CRYZ: variants seen among roughly 807,000 people sequenced by gnomAD.
CRYZ encodes the protein zeta-crystallin.
CRYZ carries 35 observed loss-of-function variants against 34.1 expected under a neutral mutation model. The ratio of observed to expected loss-of-function variants is 1.03; its 90% CI spans 0.78 to 1.36. CRYZ has a LOEUF of 1.36. Ranked by LOEUF, CRYZ falls within the 40% of genes most tolerant of loss-of-function variation. CRYZ has a pLI of 0.00. For synonymous variants in CRYZ, 137 were observed against 136.5 expected (o/e 1.00, Z -0.03); for missense variants, 403 against 391.8 (o/e 1.03, Z -0.24).
chr1:74,707,215 A>G lies in CRYZ; in HGVS notation c.631-11T>C. 7.1e-7 allele frequency: 1 copy of G among 1,412,058 alleles called. No homozygotes were observed. The highest frequency in any genetic ancestry group is 9.8e-7 in the Non-Finnish European group (1 of 1,016,258). The allele number at this position is 1,412,058 out of a possible 1,614,324, so 87.5% of individuals were successfully genotyped here. On this transcript the variant is annotated splice_polypyrimidine_tract_variant and intron_variant, in intron 6 of 8. Coordinates refer to ENST00000340866, the MANE Select transcript of CRYZ (RefSeq NM_001889.4). ...CTCACCAACATACTTCTATATAATAAAAGAGAAATGTAGAGTAAGATAGCA... is the reference window on the plus strand; with the variant it reads ...CTCACCAACATACTTCTATATAATAGAAGAGAAATGTAGAGTAAGATAGCA...
In CRYZ at chr1:74,728,568, G is replaced by T. The variant is rs144690036; in HGVS notation, c.-13-3734C>A. ...GCAGAAACCAGGACCTGATATGAAA[G>T]AATTCAGACTTTTACTGTATCAAAA... On this transcript the variant is annotated intron_variant, in intron 1 of 8. Coordinates refer to ENST00000340866, the MANE Select transcript of CRYZ (RefSeq NM_001889.4). 4.7e-3 allele frequency among the ~76,000 whole-genome samples: 719 copies of T among 152,230 alleles called. 2 individuals carry two copies. The highest frequency in any genetic ancestry group is 0.037 in the Middle Eastern group (11 of 294).
In CRYZ at chr1:74,716,646, C is replaced by T. The variant is rs117497716; in HGVS notation, c.429-2016G>A. Among the ~76,000 whole-genome samples the T allele has an allele frequency of 2.0e-4, 30 of 152,254 alleles. No homozygotes were observed. In the East Asian group the frequency reaches 5.4e-3, roughly 27 times the overall value. On this transcript the variant is annotated intron_variant, in intron 4 of 8. Coordinates refer to ENST00000340866, the MANE Select transcript of CRYZ (RefSeq NM_001889.4). ...CAGATGCCAATAACCAATATTATGA[C>T]AGTAATTTATCCTAATTCTGAAAAC...
At chr1:74,711,358 T>C (rs1026154660) in intron 5 of CRYZ, among the ~76,000 whole-genome samples, 1 of 152,294 alleles carries the variant, frequency 6.6e-6, no homozygotes, top group South Asian at 2.1e-4. Context: ...GAAGATCAGT[T>C]TGTAGCTGTT....
At chr1:74,732,163 A>G (rs1158395132) in intron 1 of CRYZ, among the ~76,000 whole-genome samples, 1 of 139,988 alleles carries the variant, frequency 7.1e-6, no homozygotes, top group Admixed American at 7.1e-5. Context: ...TGTGGGAAGG[A>G]GCCCTACCTA....
chr1:74,706,478 T>C, intron 8 of CRYZ, 21 bp from the exon 9 acceptor site: 1 of 1,587,230 alleles, frequency 6.3e-7, no homozygotes, highest in Non-Finnish European at 8.5e-7. Flanking sequence ...GAAAAACAAA[T>C]TTCTTTTTGT....
intron 8 of CRYZ, 24 bp from the exon 9 acceptor site, chr1:74,706,481 C>A (rs773760589): frequency 6.3e-7 from 1 of 1,584,800 alleles, no homozygotes; most frequent in South Asian, 1.2e-5. Context: ...AAACAAATTT[C>A]TTTTTGTAGT....
chr1:74,715,325 T>G (rs992971922), intron 4 of CRYZ, among the ~76,000 whole-genome samples: 1 of 152,222 alleles, frequency 6.6e-6, no homozygotes, highest in Non-Finnish European at 1.5e-5. Context: ...AGAAGGGACA[T>G]GCAGCAAGGC....
intron 2 of CRYZ, among the ~76,000 whole-genome samples, chr1:74,724,487 T>C (rs1045847755): frequency 6.6e-6 from 1 of 152,200 alleles, no homozygotes; most frequent in African/African-American, 2.4e-5. Flanking sequence ...ATTCCCTACA[T>C]CAAAAATTTT....
intron 5 of CRYZ, among the ~76,000 whole-genome samples, chr1:74,712,248 C>T (rs186350617): frequency 1.6e-4 from 24 of 152,286 alleles, no homozygotes; most frequent in Non-Finnish European, 2.2e-4. Flanking sequence ...AAACTTGGCA[C>T]TATCAACATT....
chr1:74,721,657 G>C (rs1471717667), intron 3 of CRYZ, among the ~76,000 whole-genome samples: 1 of 152,190 alleles, frequency 6.6e-6, no homozygotes, highest in Non-Finnish European at 1.5e-5. Context: ...ATGGAAAGGA[G>C]AGAGAAAACA....
chr1:74,715,918 T>A (rs893678432), intron 4 of CRYZ, among the ~76,000 whole-genome samples: 3 of 151,778 alleles, frequency 2.0e-5, no homozygotes, highest in Admixed American at 6.6e-5. Context: ...GTTTTTTTTT[T>A]TTTTTCGAAT....
At chr1:74,709,508 G>A (rs1345823657) in intron 6 of CRYZ, among the ~76,000 whole-genome samples, 3 of 152,168 alleles carry the variant, frequency 2.0e-5, no homozygotes, top group Non-Finnish European at 2.9e-5. Flanking sequence ...TCTCCCTAAC[G>A]TGAGGAAGTG....
intron 6 of CRYZ, among the ~76,000 whole-genome samples, chr1:74,709,003 T>C (rs1342087717): frequency 6.6e-6 from 1 of 152,114 alleles, no homozygotes; most frequent in East Asian, 1.9e-4. Flanking sequence ...ACCAGCAGAC[T>C]GTTAATTAGG....
At chr1:74,716,056 C>G (rs1174624538) in intron 4 of CRYZ, among the ~76,000 whole-genome samples, 1 of 151,998 alleles carries the variant, frequency 6.6e-6, no homozygotes, top group Non-Finnish European at 1.5e-5. Context: ...AGAGTAAATT[C>G]AGCCAGCAAA....
chr1:74,721,131 C>G (rs1647156577), intron 3 of CRYZ, among the ~76,000 whole-genome samples: 2 of 152,072 alleles, frequency 1.3e-5, no homozygotes, highest in African/African-American at 4.8e-5. Context: ...ATGAAATTAG[C>G]AGCATTTATT....
chr1:74,712,728 T>A lies in CRYZ; in HGVS notation c.480+1851A>T, dbSNP rs1055134704. Among the ~76,000 whole-genome samples, 4 of 152,280 alleles carry A rather than the reference T, an allele frequency of 2.6e-5. No homozygotes were observed. In the East Asian group the frequency reaches 7.7e-4, roughly 29 times the overall value. Reference sequence around the variant, plus strand: ...TTCTATTTTAATTTTCAAATTTAAATAAAAGACCTCTAATAAAACCACACT... The same window carrying A: ...TTCTATTTTAATTTTCAAATTTAAAAAAAAGACCTCTAATAAAACCACACT... On this transcript the variant is annotated intron_variant, in intron 5 of 8. Transcript: ENST00000340866.
intron 8 of CRYZ, 106 bp from the exon 9 acceptor site, chr1:74,706,563 C>T: frequency 9.5e-7 from 1 of 1,054,784 alleles, no homozygotes; most frequent in South Asian, 1.7e-5. Context: ...TGAAGAGTCT[C>T]TTACAAATGT....
At chr1:74,729,756 G>T (rs146839027) in intron 1 of CRYZ, among the ~76,000 whole-genome samples, 1 of 151,940 alleles carries the variant, frequency 6.6e-6, no homozygotes, top group Non-Finnish European at 1.5e-5. Flanking sequence ...ACAGAACTCT[G>T]GTTATCAAAA....
intron 5 of CRYZ, 39 bp downstream of exon 5, chr1:74,714,540 C>T (rs201041656): frequency 3.1e-5 from 50 of 1,591,830 alleles, no homozygotes; most frequent in Middle Eastern, 1.7e-4. Flanking sequence ...AACCCATAAA[C>T]CCAAGCTTGT....
Sources: gnomAD v4.1 joint callset for allele counts (sites outside exome capture counted in the v4.1 genomes callset) on GRCh38, gnomAD v4.1.1 for gene constraint, MANE v1.5 for transcripts, NCBI Gene and HGNC (gene_info 2026-07-23, HGNC 2026-07-21) for gene names.